Variants in ATG9A observed in about 807,000 individuals in gnomAD.
The protein encoded by ATG9A is autophagy-related protein 9A.
Under a neutral mutation model 87.1 loss-of-function variants are expected in ATG9A, and 21 were observed. The ratio of observed to expected loss-of-function variants is 0.24; its 90% CI spans 0.17 to 0.35. The LOEUF (loss-of-function observed/expected upper bound fraction) is 0.35, where lower values mean the gene tolerates loss of function less well. Ranked by LOEUF, ATG9A falls within the 10% of genes least tolerant of loss-of-function variation. The pLI, the probability that ATG9A is intolerant of heterozygous loss-of-function variation, is 1.00. For synonymous variants in ATG9A, 422 were observed against 441.3 expected, an observed-to-expected ratio of 0.96 and a Z score of 0.55; for missense variants, 836 against 1,107.3, an observed-to-expected ratio of 0.76 and a Z score of 3.48.
intron 5 of ATG9A, among the ~76,000 whole-genome samples, chr2:219,225,966 T>A (rs1950852422): frequency 6.6e-6 from 1 of 152,210 alleles, no homozygotes. Flanking sequence ...ATATGGCTTC[T>A]CTCTCCCAGG....
intron 13 of ATG9A, 90 bp downstream of exon 13, chr2:219,221,960 G>A (rs1950769105): frequency 8.5e-7 from 1 of 1,177,674 alleles, no homozygotes; most frequent in Admixed American, 2.2e-5. Flanking sequence ...GGAGGTGGCA[G>A]AACAAGTAAA....
chr2:219,222,704 C>A lies in ATG9A; in HGVS notation c.1789G>T (p.Gly597Cys). Residue 597 changes from glycine (G) to cysteine (C), a missense_variant, in exon 11 of 16, where the codon GGT (glycine) becomes TGT (cysteine). Physicochemically the swap from Gly to Cys is radical, Grantham distance 159. This residue lies in a region of ATG9A where 324 missense variants were observed against 347.6 expected (regional missense o/e 0.93). Transcript: ENST00000361242. This position sits in a 1 kb window ranked among gnomAD's most constrained non-coding sequence, Gnocchi z 4.3. ...AAGAGGGCATTTTCAGGGAGCAGAC[C>A]CCCTTGGGCGAGGCTAGCAGCTGCT... ...DGAAASLAQG[G>C]LLPENALFTS... The A allele has an allele frequency of 6.2e-7, 1 of 1,614,158 alleles. No homozygotes were observed. The highest frequency in any genetic ancestry group is 8.5e-7 in the Non-Finnish European group (1 of 1,180,016).
rs1277520187 is a variant in ATG9A at position 219,224,305 on chromosome 2, G to A, written c.1066C>T (p.Arg356Cys). Residue 356 changes from arginine to cysteine, a missense_variant, in exon 8 of 16, where the codon CGT becomes TGT. Physicochemically the swap from Arg to Cys is radical, Grantham distance 180 (BLOSUM62 -3). Coordinates refer to ENST00000361242, the MANE Select transcript of ATG9A (RefSeq NM_001077198.3). The surrounding 1 kb of genome is among the most constrained non-coding windows in gnomAD (Gnocchi z 7.7). Reference protein sequence around the residue: ...LEHELQSRLNRGYKPASKYMN... With the variant: ...LEHELQSRLNCGYKPASKYMN... ...TACTTGGAGGCGGGCTTGTAGCCAC[G>A]GTTGAGGCGGGACTGCAGCTCGTGC... 5 of 1,613,624 alleles carry A rather than the reference G, an allele frequency of 3.1e-6. No individual in the cohort carries two copies. Among genetic ancestry groups the A allele is most frequent in the African/African-American group, 1.3e-5 (1 of 74,948 alleles).
chr2:219,228,649 T>C (rs1950922288), intron 1 of ATG9A, 164 bp from the exon 2 acceptor site: 1 of 152,366 alleles, frequency 6.6e-6, no homozygotes. Flanking sequence ...GCACTTCCTC[T>C]GGCTGTGCTA....
Sources: allele counts gnomAD v4.1 joint callset (sites outside exome capture counted in the v4.1 genomes callset), GRCh38; gene constraint gnomAD v4.1.1; regional missense constraint gnomAD v4.1.1; non-coding constraint Gnocchi (gnomAD v3.1); transcripts MANE v1.5; gene names NCBI Gene and HGNC (gene_info 2026-07-23, HGNC 2026-07-21).